ATP2C2: variants seen among roughly 807,000 people sequenced by gnomAD.
The protein encoded by ATP2C2 is calcium-transporting ATPase type 2C member 2.
ATP2C2 carries 171 observed loss-of-function variants against 110.8 expected under a neutral mutation model. The observed-to-expected ratio is 1.54, with a 90% CI of 1.36 to 1.75. ATP2C2 has a LOEUF of 1.75. Among genes scored for constraint, ATP2C2 ranks in the 40% most tolerant of loss-of-function variants. The pLI is 0.00. For missense variants in ATP2C2, 1,963 were observed against 1,235.0 expected (o/e 1.59, Z -8.84); for synonymous variants, 804 against 508.4 (o/e 1.58, Z -7.82).
In ATP2C2 at chr16:84,388,681, T is replaced by A. The variant is rs1436817261; in HGVS notation, c.100-9818T>A. On this transcript the variant is annotated intron_variant, in intron 1 of 26. Transcript: ENST00000262429. ...CCCACTCGATTGTTTTGTTCTTGTGTCATTCTGACTCTTGCATTGATTCTC... is the reference window on the plus strand; with the variant it reads ...CCCACTCGATTGTTTTGTTCTTGTGACATTCTGACTCTTGCATTGATTCTC... Among the ~76,000 whole-genome samples the A allele has an allele frequency of 1.3e-5, 2 of 152,240 alleles. 1 individual carries two copies. Among genetic ancestry groups the A allele is most frequent in the South Asian group, 4.1e-4 (2 of 4,828 alleles).
At chr16:84,429,041 A>T (rs1908031511) in intron 11 of ATP2C2, among the ~76,000 whole-genome samples, 1 of 152,168 alleles carries the variant, frequency 6.6e-6, no homozygotes, top group African/African-American at 2.4e-5. Context: ...CTGGATAATG[A>T]AACCCAAGGG....
At position 84,439,630 on chromosome 16, in the gene ATP2C2, A is replaced by C. The variant is rs116220166; in HGVS notation, c.1209+106A>C. The stretch of plus-strand genomic sequence containing the variant: ...TCTAGAACACAATAAGGAAGAAATA[A>C]ATTGGGGTCATCTTATAATCTCCTT... On this transcript the variant is annotated intron_variant, in intron 13 of 26. Coordinates refer to ENST00000262429, the MANE Select transcript of ATP2C2 (RefSeq NM_014861.4). The C allele has an allele frequency of 1.5e-3, 1,685 of 1,100,564 alleles. 15 individuals are homozygous for C. The African/African-American group carries it at 0.022, about 15-fold the overall frequency. 68.2% of individuals were successfully genotyped at this position (1,100,564 alleles called of 1,614,324 possible).
chr16:84,391,314 C>A (rs762575285), intron 1 of ATP2C2, among the ~76,000 whole-genome samples: 1 of 152,152 alleles, frequency 6.6e-6, no homozygotes, highest in Non-Finnish European at 1.5e-5. Flanking sequence ...ACCCTTCAGC[C>A]CCACAGCCCC....
At chr16:84,448,151 C>A (rs1041695714) in intron 16 of ATP2C2, among the ~76,000 whole-genome samples, 4 of 152,082 alleles carry the variant, frequency 2.6e-5, no homozygotes, top group African/African-American at 9.7e-5. Flanking sequence ...CTTGGTGCTG[C>A]CCTAGGGAGG....
At chr16:84,452,764 G>A (rs1275941403) in intron 18 of ATP2C2, among the ~76,000 whole-genome samples, 1 of 152,102 alleles carries the variant, frequency 6.6e-6, no homozygotes, top group Non-Finnish European at 1.5e-5. Context: ...CTCACAAAGT[G>A]CTGGGATTAC....
intron 1 of ATP2C2, among the ~76,000 whole-genome samples, chr16:84,376,247 A>G (rs142624878): frequency 1.3e-5 from 2 of 152,304 alleles, no homozygotes; most frequent in East Asian, 1.9e-4. Context: ...CTCTGGTTCA[A>G]GGAAGGCAGG....
At chr16:84,415,430 A>G (rs561594223) in intron 6 of ATP2C2, 53 bp from the exon 7 acceptor site, 6 of 1,468,106 alleles carry the variant, frequency 4.1e-6, no homozygotes, top group South Asian at 3.4e-5. Context: ...ATCAAGGTGC[A>G]TAAAAACAAA....
chr16:84,464,175 C>T lies in ATP2C2; in HGVS notation c.*443C>T, dbSNP rs746615665. ...GGGACTTTTAAATAAAGTGCTATGC[C>T]GGGGGATAATTATTTTGATGTGTTT... On this transcript the variant is annotated 3_prime_UTR_variant, in exon 27 of 27. Transcript: ENST00000262429. The T allele has an allele frequency of 1.4e-4, 21 of 154,634 alleles. 1 individual carries two copies. Among genetic ancestry groups the T allele is most frequent in the Middle Eastern group, 6.7e-3 (2 of 300 alleles). 9.6% of individuals were successfully genotyped at this position (154,634 alleles called of 1,614,324 possible). A position where few individuals can be genotyped will look rare whatever the true frequency, so the allele number is the denominator to read the frequency against.
chr16:84,408,488 C>T lies in ATP2C2; in HGVS notation c.411C>T (p.Ile137=), dbSNP rs199924990. ...LTKEYEDAVS[I]ATAVLVVVTV... ...AGGAGTATGAGGACGCCGTCAGCAT[C>T]GCCACGGTGAGTTCCCTGACAGCGC... Residue 137 remains isoleucine, a synonymous_variant, in exon 4 of 27, where the codon ATC becomes ATT. Coordinates refer to ENST00000262429, the MANE Select transcript of ATP2C2 (RefSeq NM_014861.4). 139 of 1,612,702 alleles carry T rather than the reference C, an allele frequency of 8.6e-5. No individual in the cohort carries two copies. Among genetic ancestry groups the T allele is most frequent in the African/African-American group, 1.1e-4 (8 of 74,832 alleles).
intron 1 of ATP2C2, among the ~76,000 whole-genome samples, chr16:84,371,455 T>C (rs1018824251): frequency 8.5e-5 from 13 of 152,132 alleles, no homozygotes; most frequent in Admixed American, 2.6e-4. Context: ...CAGTGAGTTG[T>C]GATCATGCCA....
chr16:84,382,799 G>A (rs539454507), intron 1 of ATP2C2, among the ~76,000 whole-genome samples: 40 of 151,962 alleles, frequency 2.6e-4, no homozygotes, highest in Non-Finnish European at 4.3e-4. Flanking sequence ...GGGAGGCTCA[G>A]GCACCAGAAT....
At chr16:84,382,425 C>T (rs1910632193) in intron 1 of ATP2C2, among the ~76,000 whole-genome samples, 1 of 152,230 alleles carries the variant, frequency 6.6e-6, no homozygotes, top group Admixed American at 6.5e-5. Context: ...AACCTCCCCA[C>T]CCCCTTTTAA....
intron 1 of ATP2C2, among the ~76,000 whole-genome samples, chr16:84,388,555 G>A (rs1001741294): frequency 6.6e-6 from 1 of 152,130 alleles, no homozygotes; most frequent in African/African-American, 2.4e-5. Flanking sequence ...CCAGATCTGT[G>A]CCTTGGGAGA....
chr16:84,395,760 A>G (rs1407180381), intron 1 of ATP2C2, among the ~76,000 whole-genome samples: 1 of 152,120 alleles, frequency 6.6e-6, no homozygotes, highest in African/African-American at 2.4e-5. Context: ...TCAGCTTCCC[A>G]AAGTGCTGGG....
chr16:84,412,612 T>C lies in ATP2C2; in HGVS notation c.515+1847T>C, dbSNP rs564173620. Among the ~76,000 whole-genome samples the C allele has an allele frequency of 2.0e-5, 3 of 152,186 alleles. No homozygotes were observed. The South Asian group carries it at 6.2e-4, about 32-fold the overall frequency. Reference sequence around the variant, plus strand: ...TGGGGTTTCACTATGTTGCTCAGTCTGGGAAAACAGCTCATTCTAAGCTTA... The same window carrying C: ...TGGGGTTTCACTATGTTGCTCAGTCCGGGAAAACAGCTCATTCTAAGCTTA... On this transcript the variant is annotated intron_variant, in intron 6 of 26. Transcript: ENST00000262429.
chr16:84,448,617 C>G lies in ATP2C2; in HGVS notation c.1588C>G (p.Leu530Val), dbSNP rs1196799370. Residue 530 changes from leucine to valine, a missense_variant, in exon 17 of 27, where the codon CTG (leucine) becomes GTG (valine). By Grantham distance (32) the Leu-to-Val change is conservative. Coordinates refer to ENST00000262429, the MANE Select transcript of ATP2C2 (RefSeq NM_014861.4). ...CATGTACAACAACGGGGGCATCCCC[C>G]TGCCGCTGACGCCCCAGCAGAGGTC... ...CTMYNNGGIP[L>V]PLTPQQRSFC... The G allele has an allele frequency of 6.2e-7, 1 of 1,614,122 alleles. No individual in the cohort carries two copies. The highest frequency in any genetic ancestry group is 1.1e-5 in the South Asian group (1 of 91,056).
At chr16:84,421,885 G>T (rs1230237791) in intron 7 of ATP2C2, among the ~76,000 whole-genome samples, 1 of 152,168 alleles carries the variant, frequency 6.6e-6, no homozygotes, top group Non-Finnish European at 1.5e-5. Context: ...TGTGTAGTCA[G>T]TGTTCTGCAA....
intron 2 of ATP2C2, chr16:84,404,828 TTAAG>T: frequency 2.9e-6 from 1 of 340,930 alleles, no homozygotes; most frequent in Non-Finnish European, 5.7e-6. Context: ...TTTTTTTTTT[TTAAG>T]AAGAAAAGAT....
intron 17 of ATP2C2, among the ~76,000 whole-genome samples, chr16:84,448,976 C>A (rs1910012662): frequency 6.6e-6 from 1 of 152,212 alleles, no homozygotes; most frequent in Non-Finnish European, 1.5e-5. Context: ...CATTGATTTT[C>A]CCAATAGGTC....
Sources: allele counts gnomAD v4.1 joint callset (sites outside exome capture counted in the v4.1 genomes callset), GRCh38; gene constraint gnomAD v4.1.1; transcripts MANE v1.5; gene names NCBI Gene and HGNC (gene_info 2026-07-23, HGNC 2026-07-21).